Variants in SCFD2 observed in about 807,000 individuals in gnomAD.
SCFD2 encodes the protein sec1 family domain-containing protein 2.
Under a neutral mutation model 58.9 loss-of-function variants are expected in SCFD2, and 54 were observed. The ratio of observed to expected loss-of-function variants is 0.92; its 90% CI spans 0.74 to 1.15. The LOEUF (loss-of-function observed/expected upper bound fraction) is 1.15, where lower values mean the gene tolerates loss of function less well. Among genes scored for constraint, SCFD2 ranks in the 50% most tolerant of loss-of-function variants. The pLI, the probability that SCFD2 is intolerant of heterozygous loss-of-function variation, is 0.00. For synonymous variants in SCFD2, 321 were observed against 335.9 expected, an observed-to-expected ratio of 0.96 and a Z score of 0.49; for missense variants, 805 against 836.6, an observed-to-expected ratio of 0.96 and a Z score of 0.47.
At chr4:52,961,629 AG>A (rs1720854467) in intron 5 of SCFD2, among the ~76,000 whole-genome samples, 1 of 152,160 alleles carries the variant, frequency 6.6e-6, no homozygotes, top group Non-Finnish European at 1.5e-5. Flanking sequence ...AGAGGATGGG[AG>A]GGGAGGCATG....
intron 3 of SCFD2, among the ~76,000 whole-genome samples, chr4:53,291,337 C>T (rs1192289787): frequency 1.3e-5 from 2 of 152,068 alleles, no homozygotes; most frequent in African/African-American, 2.4e-5. Context: ...CAACAACAGA[C>T]AAGCAGAAAG....
At chr4:53,097,899 T>G (rs1351866163) in intron 5 of SCFD2, among the ~76,000 whole-genome samples, 1 of 152,198 alleles carries the variant, frequency 6.6e-6, no homozygotes, top group Non-Finnish European at 1.5e-5. Flanking sequence ...AATCAATACT[T>G]AATTTATTGA....
intron 5 of SCFD2, among the ~76,000 whole-genome samples, chr4:52,974,835 G>A (rs962017175): frequency 3.1e-4 from 47 of 152,022 alleles, no homozygotes; most frequent in Middle Eastern, 6.8e-3. Context: ...TAGACCAATG[G>A]AACAGAACAG....
intron 4 of SCFD2, among the ~76,000 whole-genome samples, chr4:53,247,043 G>A (rs1730104331): frequency 6.7e-6 from 1 of 149,860 alleles, no homozygotes; most frequent in South Asian, 2.1e-4. Context: ...AATTAAGTGG[G>A]CAAAGGTTGA....
intron 3 of SCFD2, among the ~76,000 whole-genome samples, chr4:53,278,348 G>C (rs905854901): frequency 4.1e-5 from 6 of 147,130 alleles, no homozygotes; most frequent in Admixed American, 2.0e-4. Flanking sequence ...GGCAGAGAGA[G>C]ACTCCATCTT....
chr4:53,216,807 C>T (rs1014277005), intron 4 of SCFD2, among the ~76,000 whole-genome samples: 1 of 152,204 alleles, frequency 6.6e-6, no homozygotes, highest in Non-Finnish European at 1.5e-5. Flanking sequence ...TCCCTCTACA[C>T]ACTGCTTTGA....
intron 5 of SCFD2, among the ~76,000 whole-genome samples, chr4:53,009,329 T>G (rs1319881044): frequency 3.9e-5 from 6 of 152,192 alleles, no homozygotes; most frequent in African/African-American, 1.4e-4. Context: ...AAGGATTACA[T>G]GGTCAAATGA....
At chr4:52,892,499 T>A (rs1451512163) in intron 7 of SCFD2, among the ~76,000 whole-genome samples, 1 of 152,198 alleles carries the variant, frequency 6.6e-6, no homozygotes, top group Admixed American at 6.5e-5. Context: ...TATCTCTGTC[T>A]TCCTATTCTT....
intron 4 of SCFD2, among the ~76,000 whole-genome samples, chr4:53,163,140 A>G (rs1475770076): frequency 6.6e-6 from 1 of 152,212 alleles, no homozygotes; most frequent in African/African-American, 2.4e-5. Context: ...TCCTACAAGA[A>G]TCCCAGCCAG....
chr4:53,115,040 A>G (rs1577740231), intron 5 of SCFD2, among the ~76,000 whole-genome samples: 2 of 152,116 alleles, frequency 1.3e-5, no homozygotes, highest in African/African-American at 2.4e-5. Flanking sequence ...TGTTTAAATA[A>G]CCCCAAAGAA....
At chr4:53,048,318 C>T (rs532129461) in intron 5 of SCFD2, among the ~76,000 whole-genome samples, 1 of 152,008 alleles carries the variant, frequency 6.6e-6, no homozygotes, top group African/African-American at 2.4e-5. Context: ...CCACTGCACC[C>T]CAGCCTAGGT....
chr4:53,277,985 G>A (rs1731381857), intron 3 of SCFD2, among the ~76,000 whole-genome samples: 1 of 151,898 alleles, frequency 6.6e-6, no homozygotes, highest in Non-Finnish European at 1.5e-5. Context: ...CCCGGGAGGC[G>A]GAGCTTGCAG....
chr4:53,018,161 C>T (rs971480316), intron 5 of SCFD2, among the ~76,000 whole-genome samples: 1 of 152,154 alleles, frequency 6.6e-6, no homozygotes, highest in Non-Finnish European at 1.5e-5. Context: ...CCCCAGGGCT[C>T]ATGATAGGGC....
chr4:53,049,635 T>A (rs535065869), intron 5 of SCFD2, among the ~76,000 whole-genome samples: 13 of 152,210 alleles, frequency 8.5e-5, no homozygotes, highest in Admixed American at 5.9e-4. Flanking sequence ...AGAATAATGT[T>A]AAAGAGTGAG....
At chr4:53,129,820 T>C (rs1725736470) in intron 5 of SCFD2, among the ~76,000 whole-genome samples, 1 of 152,220 alleles carries the variant, frequency 6.6e-6, no homozygotes, top group East Asian at 1.9e-4. Context: ...TTCTTTATTC[T>C]AGGCACTGGT....
intron 4 of SCFD2, among the ~76,000 whole-genome samples, chr4:53,180,028 T>G (rs914482500): frequency 6.6e-6 from 1 of 152,142 alleles, no homozygotes; most frequent in Non-Finnish European, 1.5e-5. Context: ...ACAAAGAGAC[T>G]TAGACTCCCA....
intron 4 of SCFD2, among the ~76,000 whole-genome samples, chr4:53,227,746 G>A (rs1729269688): frequency 6.6e-6 from 1 of 151,898 alleles, no homozygotes. Context: ...AAATTCCAGG[G>A]TATATATTTA....
intron 4 of SCFD2, among the ~76,000 whole-genome samples, chr4:53,229,362 T>C (rs1428970033): frequency 2.0e-5 from 3 of 152,194 alleles, no homozygotes; most frequent in Non-Finnish European, 4.4e-5. Flanking sequence ...GCTACCTGAC[T>C]TCAAACTATA....
chr4:53,001,256 G>A (rs545160182), intron 5 of SCFD2, among the ~76,000 whole-genome samples: 23 of 152,274 alleles, frequency 1.5e-4, no homozygotes, highest in Non-Finnish European at 3.1e-4. Flanking sequence ...GAGAATTTAC[G>A]TTTGTAAATT....
Sources: allele counts gnomAD v4.1 joint callset (sites outside exome capture counted in the v4.1 genomes callset), GRCh38; gene constraint gnomAD v4.1.1; transcripts MANE v1.5; gene names NCBI Gene and HGNC (gene_info 2026-07-23, HGNC 2026-07-21).